Variants in EXTL3 observed in about 807,000 individuals in gnomAD.
EXTL3 encodes exostosin-like 3.
EXTL3 carries 27 observed loss-of-function variants against 69.3 expected under a neutral mutation model. The ratio of observed to expected loss-of-function variants is 0.39; its 90% confidence interval spans 0.29 to 0.54. EXTL3 has a LOEUF of 0.54. Among genes scored for constraint, EXTL3 ranks in the 20% least tolerant of loss-of-function variants. EXTL3 has a pLI of 0.69. For missense variants in EXTL3, 1,003 were observed against 1,231.8 expected, an observed-to-expected ratio of 0.81 and a Z score of 2.78; for synonymous variants, 511 against 499.4, an observed-to-expected ratio of 1.02 and a Z score of -0.31.
At chr8:28,634,165 C>T (rs538489708) in intron 1 of EXTL3, among the ~76,000 whole-genome samples, 22 of 152,302 alleles carry the variant, frequency 1.4e-4, no homozygotes, top group African/African-American at 4.8e-4. Context: ...TTTATGCTTT[C>T]GTATTTGTTT....
chr8:28,743,187 C>T lies in EXTL3; in HGVS notation c.2523C>T (p.Ser841=), dbSNP rs747411243. ...CEDIAMNFLV[S]HITRKPPIKV... ...ACATTGCCATGAACTTCCTTGTCTC[C>T]CACATCACTCGGAAGCCCCCCATCA... The change falls in exon 6 of 7, where the codon TCC becomes TCT. Residue 841 remains serine, a synonymous_variant. Coordinates refer to ENST00000220562, the MANE Select transcript of EXTL3 (RefSeq NM_001440.4). 1.2e-6 allele frequency: 2 copies of T among 1,614,066 alleles called. No homozygotes were observed. Among genetic ancestry groups the T allele is most frequent in the East Asian group, 2.2e-5 (1 of 44,902 alleles).
intron 2 of EXTL3, among the ~76,000 whole-genome samples, chr8:28,612,644 T>C (rs1205584932): frequency 6.6e-6 from 1 of 152,194 alleles, no homozygotes; most frequent in East Asian, 1.9e-4. Context: ...TGAATTTTAT[T>C]AAATGCTTTT....
chr8:28,716,113 C>T lies in EXTL3; in HGVS notation c.54C>T (p.Thr18=). Residue 18 remains threonine, a synonymous_variant, in exon 3 of 7, where the codon ACC becomes ACT. Coordinates refer to ENST00000220562, the MANE Select transcript of EXTL3 (RefSeq NM_001440.4). The surrounding 1 kb of genome is among the most constrained non-coding windows in gnomAD (Gnocchi z 7.1). ...RNGGAGNGGQ[T]CMLRWSNRIR... is the part of the protein sequence containing the mutation. Reference sequence around the variant, plus strand: ...GGGGCGCGGGGAACGGAGGTCAGACCTGCATGCTGCGCTGGTCCAACCGCA... The same window carrying T: ...GGGGCGCGGGGAACGGAGGTCAGACTTGCATGCTGCGCTGGTCCAACCGCA... The T allele has an allele frequency of 6.2e-7, 1 of 1,613,438 alleles. No individual in the cohort carries two copies. Among genetic ancestry groups the T allele is most frequent in the Non-Finnish European group, 8.5e-7 (1 of 1,180,034 alleles).
chr8:28,714,819 A>G (rs1801105379), intron 2 of EXTL3, among the ~76,000 whole-genome samples: 1 of 152,222 alleles, frequency 6.6e-6, no homozygotes, highest in East Asian at 1.9e-4. Flanking sequence ...TATCACAGCA[A>G]CGTGGTGCAT....
intron 1 of EXTL3, among the ~76,000 whole-genome samples, chr8:28,655,149 A>G (rs1207339624): frequency 6.6e-6 from 1 of 152,194 alleles, no homozygotes; most frequent in Non-Finnish European, 1.5e-5. Context: ...TTTAATCTTC[A>G]TAATAAGTTC....
chr8:28,755,742 G>A (rs1488371715), downstream of EXTL3: 2 of 151,842 alleles, frequency 1.3e-5, no homozygotes, highest in Non-Finnish European at 2.9e-5. Context: ...AAGAAACTCC[G>A]TCTCATAAAA....
At chr8:28,649,384 A>T (rs1806882875) in intron 1 of EXTL3, among the ~76,000 whole-genome samples, 1 of 152,202 alleles carries the variant, frequency 6.6e-6, no homozygotes, top group African/African-American at 2.4e-5. Flanking sequence ...TGTCTCTACC[A>T]TGCTTACTAC....
chr8:28,681,462 G>A (rs767950006), intron 1 of EXTL3, among the ~76,000 whole-genome samples: 4 of 152,018 alleles, frequency 2.6e-5, no homozygotes, highest in Non-Finnish European at 5.9e-5. Context: ...AGGTTGCAGT[G>A]AGCTGAGATT....
rs777945396 is a variant in EXTL3, at chr8:28,717,974, A to G, written c.1915A>G (p.Ile639Val). The G allele has an allele frequency of 5.6e-6, 9 of 1,613,712 alleles. No individual in the cohort carries two copies. The highest frequency in any genetic ancestry group is 2.7e-5 in the African/African-American group (2 of 74,796). The change falls in exon 3 of 7, where the codon ATT (isoleucine) becomes GTT (valine). Residue 639 changes from isoleucine to valine, a missense_variant. Ile to Val is a conservative substitution (Grantham distance 29). Around this residue, in one of 2 missense-constraint regions of EXTL3, gnomAD observed 261 missense variants for 416.4 expected, o/e 0.63. Coordinates refer to ENST00000220562, the MANE Select transcript of EXTL3 (RefSeq NM_001440.4). This position sits in a 1 kb window ranked among gnomAD's most constrained non-coding sequence, Gnocchi z 8.3. ...GGGCTCAGGGACTGGCTTTCGGCCTATTGGTGGTGGAGCTGGGGGTTCTGG... is the reference window on the plus strand; with the variant it reads ...GGGCTCAGGGACTGGCTTTCGGCCTGTTGGTGGTGGAGCTGGGGGTTCTGG... ...FLGSGTGFRPIGGGAGGSGKE... is the reference protein window; with the variant it reads ...FLGSGTGFRPVGGGAGGSGKE...
At chr8:28,664,775 C>G (rs1807168173) in intron 1 of EXTL3, among the ~76,000 whole-genome samples, 1 of 152,130 alleles carries the variant, frequency 6.6e-6, no homozygotes, top group Admixed American at 6.6e-5. Flanking sequence ...CGGAAGCTTT[C>G]AAAATTGCCC....
chr8:28,733,210 G>C (rs1484388607), intron 4 of EXTL3, among the ~76,000 whole-genome samples: 3 of 151,986 alleles, frequency 2.0e-5, no homozygotes, highest in African/African-American at 4.8e-5. Context: ...TTAACATTTT[G>C]AGCCGGTCAG....
At chr8:28,675,701 T>G (rs965698582) in intron 1 of EXTL3, among the ~76,000 whole-genome samples, 4 of 152,156 alleles carry the variant, frequency 2.6e-5, no homozygotes, top group Non-Finnish European at 5.9e-5. Context: ...GATTCTCCAT[T>G]TAGCGTTGCA....
intron 1 of EXTL3, among the ~76,000 whole-genome samples, chr8:28,702,590 T>G (rs1346312086): frequency 2.2e-5 from 1 of 45,664 alleles, no homozygotes; most frequent in African/African-American, 8.4e-5. Flanking sequence ...CCCCCGCCCT[T>G]CCCCGCAACC....
rs2130545460 is a variant in EXTL3, at chr8:28,623,079, A to G, written c.-53+269A>G. Reference sequence around the variant, plus strand: ...CCCCTGCCTCGGAGTGTGGACGTGAACTCCGGGGTGGGCTGGGCTGGGTTT... The same window carrying G: ...CCCCTGCCTCGGAGTGTGGACGTGAGCTCCGGGGTGGGCTGGGCTGGGTTT... On this transcript the variant is annotated intron_variant, in intron 1 of 6. Coordinates refer to the EXTL3 transcript ENST00000523149. The surrounding 1 kb of genome is among the most constrained non-coding windows in gnomAD (Gnocchi z 4.2). Among the ~76,000 whole-genome samples, 1 of 148,122 alleles carries G rather than the reference A, an allele frequency of 6.8e-6. No individual in the cohort carries two copies. Among genetic ancestry groups the G allele is most frequent in the South Asian group, 2.2e-4 (1 of 4,610 alleles).
intron 1 of EXTL3, among the ~76,000 whole-genome samples, chr8:28,706,938 A>G (rs1446131818): frequency 3.3e-5 from 5 of 152,224 alleles, no homozygotes; most frequent in Admixed American, 3.3e-4. Context: ...TTCCTGGAAA[A>G]GTGGCTGTAC....
intron 3 of EXTL3, among the ~76,000 whole-genome samples, chr8:28,720,130 G>A (rs762721508): frequency 2.6e-5 from 4 of 151,954 alleles, no homozygotes; most frequent in South Asian, 4.2e-4. Context: ...TAGGAGAGGC[G>A]GGTGTTCTGG....
At chr8:28,640,700 T>TCTTG (rs1299486475) in intron 1 of EXTL3, among the ~76,000 whole-genome samples, 1 of 152,200 alleles carries the variant, frequency 6.6e-6, no homozygotes, top group Non-Finnish European at 1.5e-5. Flanking sequence ...CCTCCTGGGC[T>TCTTG]CAAGCAGTTC....
chr8:28,630,985 A>G (rs565494879), intron 1 of EXTL3, among the ~76,000 whole-genome samples: 2 of 152,356 alleles, frequency 1.3e-5, no homozygotes, highest in Non-Finnish European at 2.9e-5. Context: ...AAAGCAGTGA[A>G]GCAGAAATAA....
At chr8:28,622,456 A>ACTGT (rs1806426808), upstream of EXTL3, among the ~76,000 whole-genome samples, 1 of 152,112 alleles carries the variant, frequency 6.6e-6, no homozygotes, top group Admixed American at 6.5e-5. Flanking sequence ...TGGGGCCTGC[A>ACTGT]CGACAGTCTT....
Sources: allele counts gnomAD v4.1 joint callset (sites outside exome capture counted in the v4.1 genomes callset), GRCh38; gene constraint gnomAD v4.1.1; regional missense constraint gnomAD v4.1.1; non-coding constraint Gnocchi (gnomAD v3.1); transcripts MANE v1.5; gene names NCBI Gene and HGNC (gene_info 2026-07-23, HGNC 2026-07-21).